Variants in ARHGEF10L observed in about 807,000 individuals in gnomAD.
ARHGEF10L encodes the protein rho guanine nucleotide exchange factor 10-like protein.
ARHGEF10L carries 69 observed loss-of-function variants against 141.2 expected under a neutral mutation model. That is an observed-to-expected ratio of 0.49 (90% CI 0.40 to 0.60). ARHGEF10L has a LOEUF of 0.60. Among genes scored for constraint, ARHGEF10L ranks in the 20% least tolerant of loss-of-function variants. The pLI is 0.00. For missense variants in ARHGEF10L, 1,482 were observed against 1,734.3 expected (o/e 0.85, Z 2.58); for synonymous variants, 711 against 718.5 (o/e 0.99, Z 0.17).
chr1:17,637,902 G>T lies in ARHGEF10L; in HGVS notation c.1942G>T (p.Gly648Cys). 1.3e-6 allele frequency: 2 copies of T among 1,590,856 alleles called. No individual in the cohort carries two copies. Among genetic ancestry groups the T allele is most frequent in the Non-Finnish European group, 1.7e-6 (2 of 1,168,516 alleles). ...SGQAQNKVYL[G>C]PPRLFQELQD... ...TCTCTGCCCAGATAAGGTGTACCTC[G>T]GCCCCCCACGCCTCTTCCAGGAGCT... The change falls in exon 19 of 29, where the codon GGC becomes TGC. Residue 648 changes from glycine to cysteine, a missense_variant. Physicochemically the swap from Gly to Cys is radical, Grantham distance 159 (BLOSUM62 -3). Transcript: ENST00000361221.
chr1:17,654,553 G>T lies in ARHGEF10L; in HGVS notation c.2395-83G>T. The T allele has an allele frequency of 8.1e-7, 1 of 1,230,634 alleles. No homozygotes were observed. The highest frequency in any genetic ancestry group is 1.2e-6 in the Non-Finnish European group (1 of 831,510). 76.2% of individuals were successfully genotyped at this position (1,230,634 alleles called of 1,614,324 possible). A position where few individuals can be genotyped will look rare whatever the true frequency, so the allele number is the denominator to read the frequency against. On this transcript the variant is annotated intron_variant, in intron 22 of 28. Transcript: ENST00000361221. This position sits in a 1 kb window ranked among gnomAD's most constrained non-coding sequence, Gnocchi z 4.3. ...CAGGGATTCTAATCCAGGGAGAGTT[G>T]GATGGGGCCCAGGAATCTGCCAAAT...
At position 17,664,600 on chromosome 1, in the gene ARHGEF10L, T is replaced by C. The variant is rs956241814; in HGVS notation, c.3009+5T>C. 1 of 1,552,922 alleles carries C rather than the reference T, an allele frequency of 6.4e-7. No homozygotes were observed. The highest frequency in any genetic ancestry group is 1.9e-5 in the Admixed American group (1 of 53,504). On this transcript the variant is annotated splice_donor_5th_base_variant and intron_variant, in intron 26 of 28. Transcript: ENST00000361221. ...GCCACCACCCTGCAGCCTCAGGTACTGCACTATCCTTTGGCTTGTGGCCCT... is the reference window on the plus strand; with the variant it reads ...GCCACCACCCTGCAGCCTCAGGTACCGCACTATCCTTTGGCTTGTGGCCCT...
intron 16 of ARHGEF10L, 115 bp from the exon 17 acceptor site, chr1:17,634,433 C>T: frequency 6.4e-7 from 1 of 1,552,958 alleles, no homozygotes. Context: ...GAGGCTGTCT[C>T]TCCTTCTATT....
chr1:17,587,813 T>A (rs1160270114), intron 3 of ARHGEF10L, among the ~76,000 whole-genome samples, 168 bp downstream of exon 3: 2 of 152,234 alleles, frequency 1.3e-5, no homozygotes, highest in East Asian at 3.8e-4. Flanking sequence ...CCTGGTGAAT[T>A]GGAAATTCCT....
rs1434229811 is a variant in ARHGEF10L at position 17,639,542 on chromosome 1, G to A, written c.2172-660G>A. ...CGCCTCCCTGTTGAGTGGCCTGTCC[G>A]TCTCCCTTCCTCCATCTCCCTTCTC... On this transcript the variant is annotated intron_variant, in intron 20 of 28. Coordinates refer to ENST00000361221, the MANE Select transcript of ARHGEF10L (RefSeq NM_018125.4). This position sits in a 1 kb window ranked among gnomAD's most constrained non-coding sequence, Gnocchi z 4.3. 3.3e-5 allele frequency among the ~76,000 whole-genome samples: 5 copies of A among 152,090 alleles called. No homozygotes were observed. The highest frequency in any genetic ancestry group is 1.9e-4 in the East Asian group (1 of 5,166).
At chr1:17,577,457 G>T (rs2078269098) in intron 1 of ARHGEF10L, among the ~76,000 whole-genome samples, 1 of 152,186 alleles carries the variant, frequency 6.6e-6, no homozygotes, top group Non-Finnish European at 1.5e-5. Context: ...GGTGGTATTG[G>T]GGAACCTGAA....
intron 1 of ARHGEF10L, among the ~76,000 whole-genome samples, chr1:17,571,995 G>A (rs1363775061): frequency 6.6e-6 from 1 of 152,216 alleles, no homozygotes; most frequent in Admixed American, 6.5e-5. Flanking sequence ...CCAGTTTGGG[G>A]GGGCTCCTCC....
At chr1:17,636,756 A>T (rs1267778597) in intron 18 of ARHGEF10L, among the ~76,000 whole-genome samples, 1 of 152,092 alleles carries the variant, frequency 6.6e-6, no homozygotes, top group Non-Finnish European at 1.5e-5. Context: ...CTTTAAACTC[A>T]TTCCACACAG....
intron 27 of ARHGEF10L, chr1:17,689,687 C>T (rs931659283): frequency 4.1e-5 from 18 of 434,656 alleles, no homozygotes; most frequent in African/African-American, 1.0e-4. Context: ...ATTTTAACTA[C>T]GATAAAAATG....
At chr1:17,636,122 C>T (rs1473652730) in intron 18 of ARHGEF10L, among the ~76,000 whole-genome samples, 1 of 152,158 alleles carries the variant, frequency 6.6e-6, no homozygotes, top group Non-Finnish European at 1.5e-5. Flanking sequence ...ACTCCCTCCC[C>T]GCCGCTTGGG....
the ARHGEF10L span, among the ~76,000 whole-genome samples, chr1:17,518,652 C>T: frequency 6.6e-6 from 1 of 151,718 alleles, no homozygotes; most frequent in Non-Finnish European, 1.5e-5. Context: ...ATTAGCTGGG[C>T]ATAGTGGTGC....
Position 17,582,767 on chromosome 1 carries a change from T to C in ARHGEF10L, c.37+2135T>C, listed in dbSNP as rs111758384. ...TCTGAGGTTTTTGGTTTTCTCCTGC[T>C]GGCTCTGTCCTGTCAGCCTCACAGT... On this transcript the variant is annotated intron_variant, in intron 2 of 28. Transcript: ENST00000361221. 4.0e-3 allele frequency among the ~76,000 whole-genome samples: 608 copies of C among 152,286 alleles called. 5 individuals carry two copies. The highest frequency in any genetic ancestry group is 0.014 in the African/African-American group (573 of 41,558).
Position 17,639,912 on chromosome 1 carries a change from G to A in ARHGEF10L, c.2172-290G>A. 1 of 1,448,176 alleles carries A rather than the reference G, an allele frequency of 6.9e-7. No individual in the cohort carries two copies. Among genetic ancestry groups the A allele is most frequent in the Non-Finnish European group, 9.2e-7 (1 of 1,090,986 alleles). The allele number at this position is 1,448,176 out of a possible 1,614,324, so 89.7% of individuals were successfully genotyped here. ...CCAGGTGGAGTCACAGCCTGCAGAG[G>A]CTCTGCCGGGCACAAAGCCAGAGGC... On this transcript the variant is annotated intron_variant, in intron 20 of 28. Coordinates refer to ENST00000361221, the MANE Select transcript of ARHGEF10L (RefSeq NM_018125.4). This position sits in a 1 kb window ranked among gnomAD's most constrained non-coding sequence, Gnocchi z 4.3.
chr1:17,652,408 C>T (rs1216120153), intron 22 of ARHGEF10L, among the ~76,000 whole-genome samples: 1 of 152,140 alleles, frequency 6.6e-6, no homozygotes, highest in South Asian at 2.1e-4. Context: ...AGGAATGCTG[C>T]CTCAGCTCAT....
chr1:17,687,083 C>T (rs964705379), intron 26 of ARHGEF10L, among the ~76,000 whole-genome samples: 3 of 152,114 alleles, frequency 2.0e-5, no homozygotes, highest in African/African-American at 7.2e-5. Flanking sequence ...ATATTACCCC[C>T]GTTCCTTCCC....
At chr1:17,597,169 T>G (rs1557779085) in intron 4 of ARHGEF10L, among the ~76,000 whole-genome samples, 1 of 152,192 alleles carries the variant, frequency 6.6e-6, no homozygotes, top group Non-Finnish European at 1.5e-5. Context: ...GGATTCAGCT[T>G]CTTTCCTTTG....
chr1:17,618,539 G>A (rs780045273), intron 9 of ARHGEF10L: 34 of 1,396,876 alleles, frequency 2.4e-5, no homozygotes, highest in Admixed American at 1.0e-4. Context: ...GCCTATTGGG[G>A]TGTCTCTACC....
chr1:17,518,266 C>T, the ARHGEF10L span, among the ~76,000 whole-genome samples: 2 of 152,164 alleles, frequency 1.3e-5, no homozygotes, highest in African/African-American at 2.4e-5. Context: ...GAAAGTGGGG[C>T]TGGGCTTTGG....
At chr1:17,523,912 A>G in the ARHGEF10L span, among the ~76,000 whole-genome samples, 1 of 152,164 alleles carries the variant, frequency 6.6e-6, no homozygotes, top group East Asian at 1.9e-4. Flanking sequence ...ATGAAGAGAG[A>G]TAATTGCCCA....
Sources: allele counts gnomAD v4.1 joint callset (sites outside exome capture counted in the v4.1 genomes callset), GRCh38; gene constraint gnomAD v4.1.1; non-coding constraint Gnocchi (gnomAD v3.1); transcripts MANE v1.5; gene names NCBI Gene and HGNC (gene_info 2026-07-23, HGNC 2026-07-21).